The following MYCBP2 variants were observed in gnomAD, a reference collection of about 807,000 sequenced individuals.
MYCBP2 encodes MYC binding protein 2, also known as E3 ubiquitin-protein ligase MYCBP2.
Under a neutral mutation model 525.3 loss-of-function variants are expected in MYCBP2, and 120 were observed. The ratio of observed to expected loss-of-function variants is 0.23; its 90% CI spans 0.20 to 0.27. The LOEUF (loss-of-function observed/expected upper bound fraction) is 0.27, where lower values mean the gene tolerates loss of function less well. Among genes scored for constraint, MYCBP2 ranks in the 10% least tolerant of loss-of-function variants. The pLI is 1.00. For synonymous variants in MYCBP2, 1,894 were observed against 1,955.8 expected (o/e 0.97, Z 0.83); for missense variants, 4,149 against 5,657.1 (o/e 0.73, Z 8.55).
intron 27 of MYCBP2, among the ~76,000 whole-genome samples, chr13:77,193,235 T>G (rs2061456209): frequency 6.6e-6 from 1 of 152,134 alleles, no homozygotes; most frequent in Admixed American, 6.5e-5. Flanking sequence ...TTTCTTAAAA[T>G]TTTCCCTAAT....
chr13:77,099,274 T>G (rs2046713836), intron 55 of MYCBP2: 1 of 462,552 alleles, frequency 2.2e-6, no homozygotes, highest in Non-Finnish European at 3.8e-6. Flanking sequence ...GAACTATCAG[T>G]GATATCTCAA....
At chr13:77,268,869 T>TTTG (rs2074464901) in intron 7 of MYCBP2, among the ~76,000 whole-genome samples, 1 of 152,204 alleles carries the variant, frequency 6.6e-6, no homozygotes, top group Non-Finnish European at 1.5e-5. Flanking sequence ...TTTCCATAGT[T>TTTG]TTCAAAAGAC....
Position 77,121,332 on chromosome 13 carries a change from T to C in MYCBP2, c.8140+41A>G, listed in dbSNP as rs1184319845. 8 of 1,436,658 alleles carry C rather than the reference T, an allele frequency of 5.6e-6. No individual in the cohort carries two copies. In the East Asian group the frequency reaches 1.2e-4, roughly 22 times the overall value. 89.0% of individuals were successfully genotyped at this position (1,436,658 alleles called of 1,614,324 possible). A position where few individuals can be genotyped will look rare whatever the true frequency, so the allele number is the denominator to read the frequency against. The stretch of plus-strand genomic sequence containing the variant: ...ATAAAAGAGAAGGTAATAAAAAATA[T>C]TGAAGTTAGGTAAGTAAAAGACTTA... On this transcript the variant is annotated intron_variant, in intron 55 of 82. Transcript: ENST00000544440.
At chr13:77,233,616 C>T (rs2067448560) in intron 17 of MYCBP2, among the ~76,000 whole-genome samples, 1 of 151,938 alleles carries the variant, frequency 6.6e-6, no homozygotes, top group Non-Finnish European at 1.5e-5. Context: ...TATTCAAAGT[C>T]AGTAAACCAT....
intron 32 of MYCBP2, among the ~76,000 whole-genome samples, chr13:77,182,543 T>C: frequency 6.6e-6 from 1 of 152,204 alleles, no homozygotes; most frequent in Non-Finnish European, 1.5e-5. Context: ...TAACATTCCA[T>C]ATGTTAAACC....
Position 77,288,308 on chromosome 13 carries a change from A to G in MYCBP2, c.447T>C (p.Asn149=). Residue 149 remains asparagine, a synonymous_variant, in exon 3 of 83, where the codon AAT becomes AAC. Coordinates refer to ENST00000544440, the MANE Select transcript of MYCBP2 (RefSeq NM_015057.5). ...CGCAATGGCGTACATTACAGTAAAT[A>G]TTGAAAGCAGAAGGATTGCTATGTA... ...IKLHSNPSAF[N]IYCNVRHCVL... is the part of the protein sequence containing the mutation. 6.8e-6 allele frequency: 11 copies of G among 1,614,206 alleles called. No homozygotes were observed. The highest frequency in any genetic ancestry group is 1.3e-5 in the African/African-American group (1 of 75,066).
intron 26 of MYCBP2, among the ~76,000 whole-genome samples, chr13:77,197,894 A>G (rs1455432224): frequency 6.6e-6 from 1 of 152,228 alleles, no homozygotes; most frequent in Non-Finnish European, 1.5e-5. Flanking sequence ...GAGTGAGGTA[A>G]AATTTGAGTT....
intron 47 of MYCBP2, 27 bp downstream of exon 47, chr13:77,150,707 A>T (rs780903335): frequency 6.0e-5 from 95 of 1,595,714 alleles, no homozygotes; most frequent in Non-Finnish European, 7.4e-5. Context: ...GAAAACTAAA[A>T]TTTTTCTGAT....
Position 77,083,188 on chromosome 13 carries a change from T to A in MYCBP2, c.10880A>T (p.Lys3627Ile). ...KTSKENSEQEKDTRVCEHPLS... is the reference protein window; with the variant it reads ...KTSKENSEQEIDTRVCEHPLS... ...TGGATGTTCACATACTCTTGTATCTTTCTCCTAAGGCAGAAATTGAAACAA... is the reference window on the plus strand; with the variant it reads ...TGGATGTTCACATACTCTTGTATCTATCTCCTAAGGCAGAAATTGAAACAA... Residue 3627 changes from lysine to isoleucine, a missense_variant, in exon 63 of 83, where the codon AAA (lysine) becomes ATA (isoleucine). By Grantham distance (102) the Lys-to-Ile change is moderately radical. This residue lies in a region of MYCBP2 where 509 missense variants were observed against 789.4 expected (regional missense o/e 0.64). Coordinates refer to ENST00000544440, the MANE Select transcript of MYCBP2 (RefSeq NM_015057.5). 6.2e-7 allele frequency: 1 copy of A among 1,610,732 alleles called. No individual in the cohort carries two copies. The highest frequency in any genetic ancestry group is 8.5e-7 in the Non-Finnish European group (1 of 1,178,564).
rs539131812 is a variant in MYCBP2, at chr13:77,052,082, C to T, written c.13648-164G>A. Among the ~76,000 whole-genome samples, 8 of 152,298 alleles carry T rather than the reference C, an allele frequency of 5.3e-5. No homozygotes were observed. The South Asian group carries it at 1.7e-3, about 32-fold the overall frequency. On this transcript the variant is annotated intron_variant, in intron 80 of 82. Transcript: ENST00000544440. ...AGTGCATGCCCATATTGCTTGCTGACTGTATGTAGGGTGGATCAGGGTAAG... is the reference window on the plus strand; with the variant it reads ...AGTGCATGCCCATATTGCTTGCTGATTGTATGTAGGGTGGATCAGGGTAAG...
In MYCBP2 at chr13:77,044,721, C is replaced by T; in HGVS notation, c.*657G>A. The T allele has an allele frequency of 2.5e-6, 1 of 398,718 alleles. No individual in the cohort carries two copies. Among genetic ancestry groups the T allele is most frequent in the Non-Finnish European group, 4.4e-6 (1 of 225,924 alleles). The allele number at this position is 398,718 out of a possible 1,614,324, so 24.7% of individuals were successfully genotyped here. A position where few individuals can be genotyped will look rare whatever the true frequency, so the allele number is the denominator to read the frequency against. On this transcript the variant is annotated 3_prime_UTR_variant, in exon 83 of 83. Coordinates refer to ENST00000544440, the MANE Select transcript of MYCBP2 (RefSeq NM_015057.5). Reference sequence around the variant, plus strand: ...TGACATGTACATTCCAATATGTTTACAGCTGCAAGATAATGAGGCACACTC... The same window carrying T: ...TGACATGTACATTCCAATATGTTTATAGCTGCAAGATAATGAGGCACACTC...
At chr13:77,171,776 A>T (rs7990717) in intron 37 of MYCBP2, 142 bp from the exon 38 acceptor site, 723,687 of 728,054 alleles carry the variant, frequency 0.99, 359,778 homozygotes, top group East Asian at 1. Flanking sequence ...ACTATACAAT[A>T]ATAGGGAATG....
chr13:77,072,415 C>G (rs1008585014), intron 68 of MYCBP2, among the ~76,000 whole-genome samples: 1 of 151,076 alleles, frequency 6.6e-6, no homozygotes, highest in South Asian at 2.1e-4. Context: ...TAATGTAGTG[C>G]TTAGAAGAAA....
At chr13:77,230,941 G>A (rs925165665) in intron 18 of MYCBP2, among the ~76,000 whole-genome samples, 3 of 152,160 alleles carry the variant, frequency 2.0e-5, no homozygotes, top group Admixed American at 2.0e-4. Context: ...AATTAGGGAT[G>A]TTCAACATGT....
chr13:77,078,570 A>G (rs1445235982), intron 66 of MYCBP2, among the ~76,000 whole-genome samples: 1 of 152,176 alleles, frequency 6.6e-6, no homozygotes, highest in African/African-American at 2.4e-5. Flanking sequence ...GTTGGGGAGT[A>G]GGGTAGGGAG....
At chr13:77,079,992 A>G (rs1316481018) in intron 65 of MYCBP2, among the ~76,000 whole-genome samples, 1 of 152,182 alleles carries the variant, frequency 6.6e-6, no homozygotes, top group African/African-American at 2.4e-5. Context: ...GATTGCAATC[A>G]TTGTTCTGAG....
intron 17 of MYCBP2, among the ~76,000 whole-genome samples, chr13:77,239,580 C>T (rs1203882351): frequency 2.0e-5 from 3 of 152,204 alleles, no homozygotes; most frequent in Admixed American, 2.0e-4. Flanking sequence ...AAACAACTGA[C>T]CTAGCACACT....
At chr13:77,097,141 T>A (rs189326159) in intron 56 of MYCBP2, among the ~76,000 whole-genome samples, 2 of 152,282 alleles carry the variant, frequency 1.3e-5, no homozygotes, top group South Asian at 2.1e-4. Flanking sequence ...TAATATTTTT[T>A]AAAACATGCT....
At chr13:77,100,667 C>T (rs2046932514) in intron 55 of MYCBP2, among the ~76,000 whole-genome samples, 1 of 151,866 alleles carries the variant, frequency 6.6e-6, no homozygotes, top group Admixed American at 6.6e-5. Context: ...TTGCAACATG[C>T]CAATATTTAA....
Sources: allele counts gnomAD v4.1 joint callset (sites outside exome capture counted in the v4.1 genomes callset), GRCh38; gene constraint gnomAD v4.1.1; regional missense constraint gnomAD v4.1.1; transcripts MANE v1.5; gene names NCBI Gene and HGNC (gene_info 2026-07-23, HGNC 2026-07-21).